The following ARID3B variants were observed in gnomAD, a reference collection of about 807,000 sequenced individuals.
ARID3B encodes the protein AT-rich interactive domain-containing protein 3B.
ARID3B carries 10 observed loss-of-function variants against 51.9 expected under a neutral mutation model. That is an observed-to-expected ratio of 0.19 (90% confidence interval 0.12 to 0.33). ARID3B has a LOEUF of 0.33. Among genes scored for constraint, ARID3B ranks in the 10% least tolerant of loss-of-function variants. The pLI, the probability that ARID3B is intolerant of heterozygous loss-of-function variation, is 1.00. For synonymous variants in ARID3B, 205 were observed against 279.5 expected, an observed-to-expected ratio of 0.73 and a Z score of 2.66; for missense variants, 483 against 716.3, an observed-to-expected ratio of 0.67 and a Z score of 3.72.
intron 2 of ARID3B, among the ~76,000 whole-genome samples, chr15:74,558,882 A>C (rs2061668835): frequency 6.6e-6 from 1 of 152,080 alleles, no homozygotes; most frequent in Admixed American, 6.6e-5. Context: ...GGGCTGCACA[A>C]GTTTAGCTCG....
chr15:74,554,330 C>CCT (rs960180995), intron 2 of ARID3B, among the ~76,000 whole-genome samples: 1 of 145,526 alleles, frequency 6.9e-6, no homozygotes, highest in Non-Finnish European at 1.5e-5. Context: ...TGAGATGGAG[C>CCT]CTCTCTCTGT....
At chr15:74,576,375 C>G (rs909062488) in intron 4 of ARID3B, among the ~76,000 whole-genome samples, 3 of 152,166 alleles carry the variant, frequency 2.0e-5, no homozygotes, top group Admixed American at 6.5e-5. Context: ...AAAATATCCT[C>G]TGCAAGAAAA....
intron 2 of ARID3B, among the ~76,000 whole-genome samples, chr15:74,557,502 C>T (rs2061663167): frequency 6.6e-6 from 1 of 151,950 alleles, no homozygotes; most frequent in Non-Finnish European, 1.5e-5. Flanking sequence ...GCTTTAGATT[C>T]TACATTGACC....
At chr15:74,544,901 A>G (rs1048216090) in intron 2 of ARID3B, among the ~76,000 whole-genome samples, 4 of 152,092 alleles carry the variant, frequency 2.6e-5, no homozygotes, top group African/African-American at 9.7e-5. Context: ...CGTGTTAGCC[A>G]AGATGGTCTC....
intron 2 of ARID3B, among the ~76,000 whole-genome samples, chr15:74,557,641 C>G (rs1198873149): frequency 1.3e-5 from 2 of 152,122 alleles, no homozygotes; most frequent in Admixed American, 6.5e-5. Flanking sequence ...AGACATACAA[C>G]TCTTCCTTTC....
intron 4 of ARID3B, among the ~76,000 whole-genome samples, chr15:74,587,830 G>A (rs1309290056): frequency 6.6e-6 from 1 of 152,182 alleles, no homozygotes; most frequent in Non-Finnish European, 1.5e-5. Context: ...GTAATCCTCT[G>A]TTATTTTACC....
chr15:74,548,630 G>A (rs1400032137), intron 2 of ARID3B, among the ~76,000 whole-genome samples: 3 of 152,158 alleles, frequency 2.0e-5, no homozygotes, highest in Non-Finnish European at 2.9e-5. Context: ...AATTCCTAAC[G>A]TCCTAAAGCT....
In ARID3B at chr15:74,596,335, G is replaced by A. The variant is rs1044198704; in HGVS notation, c.*561G>A. On this transcript the variant is annotated 3_prime_UTR_variant, in exon 9 of 9. Transcript: ENST00000346246. ...TGGGGTACGGGTCCCTCAAACACAAGTCTTGAATCAGTCCTCAGGGCCCCA... is the reference window on the plus strand; with the variant it reads ...TGGGGTACGGGTCCCTCAAACACAAATCTTGAATCAGTCCTCAGGGCCCCA... The A allele has an allele frequency of 8.6e-6, 2 of 233,534 alleles. No homozygotes were observed. The highest frequency in any genetic ancestry group is 4.4e-5 in the African/African-American group (2 of 45,318). The allele number at this position is 233,534 out of a possible 1,614,324, so 14.5% of individuals were successfully genotyped here. A position where few individuals can be genotyped will look rare whatever the true frequency, so the allele number is the denominator to read the frequency against.
At chr15:74,549,863 T>C (rs1486168787) in intron 2 of ARID3B, among the ~76,000 whole-genome samples, 4 of 152,176 alleles carry the variant, frequency 2.6e-5, no homozygotes, top group African/African-American at 9.7e-5. Context: ...GGGCGTCTAG[T>C]GGGTAGACCA....
At chr15:74,573,557 A>G (rs977092842) in intron 4 of ARID3B, 3 of 289,708 alleles carry the variant, frequency 1.0e-5, no homozygotes, top group Admixed American at 9.7e-5. Context: ...TCTTGTTGGC[A>G]TATCTAGTCT....
chr15:74,565,742 T>G (rs896154619), intron 2 of ARID3B, among the ~76,000 whole-genome samples: 3 of 151,960 alleles, frequency 2.0e-5, no homozygotes, highest in Admixed American at 1.3e-4. Flanking sequence ...TTGTTTTTTT[T>G]TTTTTTAATC....
At chr15:74,593,517 T>G (rs1289108727) in intron 8 of ARID3B, among the ~76,000 whole-genome samples, 1 of 152,200 alleles carries the variant, frequency 6.6e-6, no homozygotes, top group Non-Finnish European at 1.5e-5. Flanking sequence ...TGTCCCACAA[T>G]CCCCAGGTCT....
chr15:74,565,314 AGTGCTGGGATTACAG>A (rs2061693579), intron 2 of ARID3B, among the ~76,000 whole-genome samples: 1 of 152,112 alleles, frequency 6.6e-6, no homozygotes, highest in Non-Finnish European at 1.5e-5. Context: ...AGCCTCCTAA[AGTGCTGGGATTACAG>A]GTGTGAGCCA....
At chr15:74,552,893 C>T (rs2061643368) in intron 2 of ARID3B, among the ~76,000 whole-genome samples, 1 of 152,260 alleles carries the variant, frequency 6.6e-6, no homozygotes, top group African/African-American at 2.4e-5. Flanking sequence ...CTATCATACA[C>T]ATCTGTATAC....
Position 74,541,274 on chromosome 15 carries a change from C to CTGGGGCCTGAGCTGCCGCCT in ARID3B, c.-134_-133insTGGGGCCTGAGCTGCCGCCT, listed in dbSNP as rs2061593712. The CTGGGGCCTGAGCTGCCGCCT allele has an allele frequency of 6.6e-6, 1 of 152,020 alleles. No homozygotes were observed. Among genetic ancestry groups the CTGGGGCCTGAGCTGCCGCCT allele is most frequent in the South Asian group, 2.1e-4 (1 of 4,838 alleles). 9.4% of individuals were successfully genotyped at this position (152,020 alleles called of 1,614,324 possible). ...AGGAGTCCGAGACGCAGCTGCCGCGCCGGGGCCTGAGCTGCCGCCTCCTCC... is the reference window on the plus strand; with the variant it reads ...AGGAGTCCGAGACGCAGCTGCCGCGCTGGGGCCTGAGCTGCCGCCTCGGGGCCTGAGCTGCCGCCTCCTCC... On this transcript the variant is annotated 5_prime_UTR_variant, in exon 1 of 9. Coordinates refer to ENST00000346246, the MANE Select transcript of ARID3B (RefSeq NM_006465.4).
intron 2 of ARID3B, among the ~76,000 whole-genome samples, chr15:74,549,121 T>A (rs1181442361): frequency 1.3e-5 from 2 of 151,868 alleles, no homozygotes; most frequent in African/African-American, 4.8e-5. Context: ...TCACTCAGGC[T>A]AGAGTGCAGT....
intron 4 of ARID3B, chr15:74,575,017 AAAG>A (rs1405205602): frequency 6.6e-6 from 1 of 151,858 alleles, no homozygotes; most frequent in Admixed American, 6.6e-5. Context: ...AAAAAAAAAA[AAAG>A]AATATAATCC....
intron 4 of ARID3B, among the ~76,000 whole-genome samples, chr15:74,579,694 T>G (rs2061752031): frequency 6.6e-6 from 1 of 152,192 alleles, no homozygotes. Flanking sequence ...TTTCCTCTTT[T>G]GCTGACTGAA....
intron 2 of ARID3B, among the ~76,000 whole-genome samples, chr15:74,560,658 TC>T: frequency 1.3e-5 from 2 of 152,342 alleles, no homozygotes; most frequent in Middle Eastern, 3.4e-3. Context: ...CTGTTGCCTG[TC>T]CTGTGTCCTT....
Sources: gnomAD v4.1 joint callset for allele counts (sites outside exome capture counted in the v4.1 genomes callset) on GRCh38, gnomAD v4.1.1 for gene constraint, MANE v1.5 for transcripts, NCBI Gene and HGNC (gene_info 2026-07-23, HGNC 2026-07-21) for gene names.